The following GSK3B variants were observed in gnomAD, a reference collection of about 807,000 sequenced individuals.
GSK3B encodes glycogen synthase kinase 3 beta, also known as glycogen synthase kinase-3 beta.
A neutral mutation model predicts 56.4 loss-of-function variants in GSK3B; 15 were observed. That is an observed-to-expected ratio of 0.27 (90% confidence interval 0.18 to 0.41). GSK3B has a LOEUF of 0.41. Among genes scored for constraint, GSK3B ranks in the 10% least tolerant of loss-of-function variants. The pLI, the probability that GSK3B is intolerant of heterozygous loss-of-function variation, is 1.00. For missense variants in GSK3B, 300 were observed against 513.4 expected, an observed-to-expected ratio of 0.58 and a Z score of 4.02; for synonymous variants, 181 against 188.9, an observed-to-expected ratio of 0.96 and a Z score of 0.34.
chr3:120,012,094 T>C (rs1051645689), intron 1 of GSK3B, among the ~76,000 whole-genome samples: 4 of 152,358 alleles, frequency 2.6e-5, no homozygotes, highest in South Asian at 2.1e-4. Flanking sequence ...GCCTCAACCA[T>C]GTACTCCTTA....
chr3:119,989,894 T>C lies in GSK3B; in HGVS notation c.282+12152A>G, dbSNP rs185981552. Among the ~76,000 whole-genome samples, 4 of 152,242 alleles carry C rather than the reference T, an allele frequency of 2.6e-5. No homozygotes were observed. The East Asian group carries it at 7.7e-4, about 29-fold the overall frequency. On this transcript the variant is annotated intron_variant, in intron 2 of 10. Transcript: ENST00000264235. ...GATGTCATTGCTCCTACAGTCAACC[T>C]GAGACCAGAAAACTCTCCATCCCCT...
chr3:120,004,058 C>T (rs1437539858), intron 1 of GSK3B, among the ~76,000 whole-genome samples: 1 of 152,250 alleles, frequency 6.6e-6, no homozygotes, highest in African/African-American at 2.4e-5. Flanking sequence ...CTGCACTTTC[C>T]CAATGCTCTT....
chr3:119,920,090 C>T (rs369262785), intron 4 of GSK3B, among the ~76,000 whole-genome samples: 1 of 152,080 alleles, frequency 6.6e-6, no homozygotes, highest in Non-Finnish European at 1.5e-5. Context: ...TTTGAACATA[C>T]CTTGTTTTGT....
intron 3 of GSK3B, among the ~76,000 whole-genome samples, chr3:119,930,080 TACAC>T (rs71619762): frequency 0.23 from 30,337 of 133,422 alleles, 3,714 homozygotes; most frequent in Admixed American, 0.36. Flanking sequence ...TTCTGTCTCC[TACAC>T]ACACACACAC....
At chr3:119,840,112 G>A (rs1232566614) in intron 10 of GSK3B, among the ~76,000 whole-genome samples, 2 of 152,070 alleles carry the variant, frequency 1.3e-5, no homozygotes, top group Admixed American at 6.5e-5. Flanking sequence ...GTGGAGAGAT[G>A]CATGTCCATT....
intron 1 of GSK3B, among the ~76,000 whole-genome samples, chr3:120,067,398 C>T (rs531504953): frequency 6.6e-6 from 1 of 152,258 alleles, no homozygotes; most frequent in East Asian, 1.9e-4. Context: ...ACCTAACCTA[C>T]CAAACATCAC....
At chr3:119,964,261 T>A (rs2057299832) in intron 2 of GSK3B, among the ~76,000 whole-genome samples, 1 of 152,058 alleles carries the variant, frequency 6.6e-6, no homozygotes, top group South Asian at 2.1e-4. Flanking sequence ...GATCCAACAA[T>A]CCCACTTCTG....
chr3:120,040,047 C>T (rs1021155623), intron 1 of GSK3B, among the ~76,000 whole-genome samples: 3 of 152,324 alleles, frequency 2.0e-5, no homozygotes, highest in African/African-American at 2.4e-5. Context: ...GGGAAAGAAA[C>T]AGGCCGGCAG....
At chr3:119,866,013 G>A (rs1249262027) in intron 8 of GSK3B, among the ~76,000 whole-genome samples, 3 of 152,092 alleles carry the variant, frequency 2.0e-5, no homozygotes, top group African/African-American at 7.2e-5. Flanking sequence ...GATTCTTGAT[G>A]AGAAAAGCCT....
chr3:119,944,308 T>C (rs1318209472), intron 3 of GSK3B, among the ~76,000 whole-genome samples: 2 of 152,160 alleles, frequency 1.3e-5, no homozygotes, highest in Non-Finnish European at 2.9e-5. Flanking sequence ...AGGGTTTCTT[T>C]TTACTGTCTT....
intron 8 of GSK3B, among the ~76,000 whole-genome samples, chr3:119,865,080 G>A (rs2056159311): frequency 6.6e-6 from 1 of 151,960 alleles, no homozygotes; most frequent in Admixed American, 6.6e-5. Context: ...CCCCTCTCTT[G>A]CTCCCAAGGT....
intron 2 of GSK3B, 58 bp downstream of exon 2, chr3:120,001,988 C>A (rs1437870618): frequency 1.8e-6 from 2 of 1,087,454 alleles, no homozygotes; most frequent in African/African-American, 1.6e-5. Context: ...AAAAAATAAT[C>A]ATTTATGGTA....
In GSK3B at chr3:119,951,409, T is replaced by C. The variant is rs192443775; in HGVS notation, c.283-4058A>G. ...CAGCATGGTGAAACCCAGTCTCTACTAAAAATATAAAATTAGCCGGGCTTG... is the reference window on the plus strand; with the variant it reads ...CAGCATGGTGAAACCCAGTCTCTACCAAAAATATAAAATTAGCCGGGCTTG... On this transcript the variant is annotated intron_variant, in intron 2 of 10. Coordinates refer to ENST00000264235, the MANE Select transcript of GSK3B (RefSeq NM_001146156.2). Among the ~76,000 whole-genome samples the C allele has an allele frequency of 3.3e-4, 50 of 152,238 alleles. No homozygotes were observed. The East Asian group carries it at 7.1e-3, about 22-fold the overall frequency.
intron 10 of GSK3B, among the ~76,000 whole-genome samples, chr3:119,842,595 T>A (rs1255535599): frequency 6.6e-6 from 1 of 152,210 alleles, no homozygotes. Context: ...ATTGAAATTA[T>A]GTAAAAACCG....
At chr3:119,871,426 C>A (rs1443250858) in intron 8 of GSK3B, among the ~76,000 whole-genome samples, 1 of 152,026 alleles carries the variant, frequency 6.6e-6, no homozygotes, top group Non-Finnish European at 1.5e-5. Context: ...ACCATATATG[C>A]CAACAACTTG....
chr3:119,998,660 A>G (rs1276153452), intron 2 of GSK3B, among the ~76,000 whole-genome samples: 3 of 152,216 alleles, frequency 2.0e-5, no homozygotes, highest in Non-Finnish European at 2.9e-5. Flanking sequence ...GTAAATTAAA[A>G]TAATTTTTCA....
At position 119,875,546 on chromosome 3, in the gene GSK3B, C is replaced by G. The variant is rs201509410; in HGVS notation, c.909+867G>C. 7.7e-5 allele frequency among the ~76,000 whole-genome samples: 10 copies of G among 129,176 alleles called. No homozygotes were observed. The East Asian group carries it at 1.4e-3, about 19-fold the overall frequency. 84.7% of individuals were successfully genotyped at this position (129,176 alleles called of 152,430 possible). A position where few individuals can be genotyped will look rare whatever the true frequency, so the allele number is the denominator to read the frequency against. On this transcript the variant is annotated intron_variant, in intron 8 of 10. Transcript: ENST00000264235. ...ACACACACACACACACACACACACA[C>G]AGAAGTTTAATCCCGGCTTTGTCAC...
At chr3:119,904,412 T>C (rs528914600) in intron 7 of GSK3B, among the ~76,000 whole-genome samples, 1 of 152,250 alleles carries the variant, frequency 6.6e-6, no homozygotes, top group East Asian at 1.9e-4. Context: ...AACTCAAAAA[T>C]GGTACCAAAA....
At chr3:119,924,865 C>T (rs2056875721) in intron 3 of GSK3B, among the ~76,000 whole-genome samples, 1 of 152,152 alleles carries the variant, frequency 6.6e-6, no homozygotes, top group East Asian at 1.9e-4. Flanking sequence ...GTGACAGAGA[C>T]TAGATAGCCC....
Sources: gnomAD v4.1 joint callset for allele counts (sites outside exome capture counted in the v4.1 genomes callset) on GRCh38, gnomAD v4.1.1 for gene constraint, MANE v1.5 for transcripts, NCBI Gene and HGNC (gene_info 2026-07-23, HGNC 2026-07-21) for gene names.